EXD3: variants seen among roughly 807,000 people sequenced by gnomAD.
EXD3 encodes exonuclease mut-7 homolog.
A neutral mutation model predicts 98.0 loss-of-function variants in EXD3; 92 were observed. The observed-to-expected ratio is 0.94, with a 90% CI of 0.79 to 1.12. The LOEUF is 1.12. Among genes scored for constraint, EXD3 ranks in the 50% most tolerant of loss-of-function variants. The pLI, the probability that EXD3 is intolerant of heterozygous loss-of-function variation, is 0.00. For synonymous variants in EXD3, 569 were observed against 526.0 expected (o/e 1.08, Z -1.12); for missense variants, 1,222 against 1,191.6 (o/e 1.03, Z -0.38).
chr9:137,344,385 G>A (rs1333447014), intron 17 of EXD3, among the ~76,000 whole-genome samples: 72 of 152,152 alleles, frequency 4.7e-4, no homozygotes, highest in Non-Finnish European at 1.5e-5. Context: ...AATATTAAGA[G>A]ATTTACTATC....
intron 1 of EXD3, among the ~76,000 whole-genome samples, chr9:137,404,957 AT>A (rs1837645825): frequency 6.6e-6 from 1 of 151,592 alleles, no homozygotes; most frequent in Non-Finnish European, 1.5e-5. Flanking sequence ...GCCCCTACCT[AT>A]CCCCTCAGAG....
Position 137,330,697 on chromosome 9 carries a change from T to C in EXD3, c.1999-6554A>G, listed in dbSNP as rs73581504. Reference sequence around the variant, plus strand: ...GGGCAACAATGGAGCCAAAAGGTAGTGGAGGGTTTTCAAAGTTCTGTAGAG... The same window carrying C: ...GGGCAACAATGGAGCCAAAAGGTAGCGGAGGGTTTTCAAAGTTCTGTAGAG... On this transcript the variant is annotated intron_variant, in intron 17 of 21. Transcript: ENST00000340951. Among the ~76,000 whole-genome samples the C allele has an allele frequency of 1.6e-3, 250 of 152,124 alleles. 2 individuals are homozygous for C. The highest frequency in any genetic ancestry group is 6.8e-3 in the Middle Eastern group (2 of 294).
intron 20 of EXD3, 107 bp downstream of exon 20, chr9:137,309,500 C>T (rs557492524): frequency 2.2e-6 from 2 of 900,994 alleles, no homozygotes; most frequent in East Asian, 2.7e-5. Flanking sequence ...CCACCCTTAT[C>T]TGAGGAAGCT....
At chr9:137,382,534 G>C (rs565509738) in intron 3 of EXD3, among the ~76,000 whole-genome samples, 1 of 152,318 alleles carries the variant, frequency 6.6e-6, no homozygotes, top group South Asian at 2.1e-4. Flanking sequence ...CAAGGACAGA[G>C]ATTCACAAGC....
At chr9:137,413,078 A>T (rs1236818521) in intron 1 of EXD3, among the ~76,000 whole-genome samples, 1 of 152,100 alleles carries the variant, frequency 6.6e-6, no homozygotes, top group Non-Finnish European at 1.5e-5. Flanking sequence ...CACCACACCC[A>T]GCCTCAGTAA....
chr9:137,412,725 C>T (rs1383428113), intron 1 of EXD3, among the ~76,000 whole-genome samples: 1 of 152,236 alleles, frequency 6.6e-6, no homozygotes, highest in Non-Finnish European at 1.5e-5. Flanking sequence ...TTGACTCACA[C>T]ACTGTGTCCA....
At position 137,347,193 on chromosome 9, in the gene EXD3, G is replaced by A. The variant is rs1308989406; in HGVS notation, c.1998+878C>T. 2.0e-5 allele frequency among the ~76,000 whole-genome samples: 3 copies of A among 152,156 alleles called. No individual in the cohort carries two copies. Among genetic ancestry groups the A allele is most frequent in the Non-Finnish European group, 4.4e-5 (3 of 68,042 alleles). ...TAGTTCTGTGGAAGTCCAGAAGTCC[G>A]GTGGACTCAACCAGGTTCTCTGCTC... On this transcript the variant is annotated intron_variant, in intron 17 of 21. Coordinates refer to ENST00000340951, the MANE Select transcript of EXD3 (RefSeq NM_017820.5). This position sits in a 1 kb window ranked among gnomAD's most constrained non-coding sequence, Gnocchi z 4.2.
At chr9:137,353,887 TC>T in intron 10 of EXD3, 11 of 991,180 alleles carry the variant, frequency 1.1e-5, no homozygotes, top group Non-Finnish European at 1.2e-5. Context: ...CGGCGTGGGT[TC>T]CCACGTGGAC....
chr9:137,391,038 C>T (rs1443022247), intron 2 of EXD3, among the ~76,000 whole-genome samples: 3 of 152,164 alleles, frequency 2.0e-5, no homozygotes, highest in African/African-American at 2.4e-5. Flanking sequence ...CATGGTGGGG[C>T]GGGGGTGGCC....
intron 3 of EXD3, among the ~76,000 whole-genome samples, chr9:137,377,461 A>G (rs1835968935): frequency 6.9e-6 from 1 of 145,344 alleles, no homozygotes. Context: ...AAAAAAAAAA[A>G]AGGGAAAGGC....
intron 17 of EXD3, among the ~76,000 whole-genome samples, chr9:137,333,685 A>G (rs753681794): frequency 6.6e-6 from 1 of 152,110 alleles, no homozygotes; most frequent in Non-Finnish European, 1.5e-5. Flanking sequence ...GTGACATGCA[A>G]ACTCTTGCTT....
At chr9:137,365,902 CAT>C in intron 7 of EXD3, 2 of 398,932 alleles carry the variant, frequency 5.0e-6, no homozygotes, top group South Asian at 3.8e-5. Flanking sequence ...CAGGCACACA[CAT>C]ACATGCACAC....
In EXD3 at chr9:137,309,667, T is replaced by G; in HGVS notation, c.2218A>C (p.Arg740=). The G allele has an allele frequency of 1.3e-6, 2 of 1,559,416 alleles. No homozygotes were observed. The highest frequency in any genetic ancestry group is 1.7e-6 in the Non-Finnish European group (2 of 1,151,760). Residue 740 remains arginine (R), a synonymous_variant, in exon 20 of 22, where the codon AGG becomes CGG. Coordinates refer to ENST00000340951, the MANE Select transcript of EXD3 (RefSeq NM_017820.5). ...CNCDQYLKVS[R]DMMKQLMWLS... is the part of the protein sequence containing the mutation. The stretch of plus-strand genomic sequence containing the variant: ...CACATGAGCTGCTTCATCATGTCCC[T>G]GGAGACCTTTAGGTACTGGTCACAG...
chr9:137,326,410 C>T (rs972950808), intron 17 of EXD3, among the ~76,000 whole-genome samples: 4 of 152,138 alleles, frequency 2.6e-5, no homozygotes, highest in African/African-American at 9.7e-5. Flanking sequence ...CCTGTAATCC[C>T]AATACTTTGG....
intron 3 of EXD3, among the ~76,000 whole-genome samples, chr9:137,374,007 A>G (rs965128093): frequency 1.3e-5 from 2 of 152,264 alleles, no homozygotes; most frequent in Non-Finnish European, 2.9e-5. Context: ...AATGCCTTTT[A>G]TGTACTTTTC....
At chr9:137,369,259 G>A (rs530466611) in intron 5 of EXD3, among the ~76,000 whole-genome samples, 1 of 151,932 alleles carries the variant, frequency 6.6e-6, no homozygotes, top group Non-Finnish European at 1.5e-5. Context: ...GAGCATGGGC[G>A]CAGGGGCCAC....
In EXD3 at chr9:137,323,796, G is replaced by T. The variant is rs200726617; in HGVS notation, c.2113C>A (p.Gln705Lys). The change falls in exon 19 of 22, where the codon CAG becomes AAG. Residue 705 changes from glutamine (Q) to lysine (K), a missense_variant. Physicochemically the swap from Gln to Lys is moderately conservative, Grantham distance 53. Coordinates refer to ENST00000340951, the MANE Select transcript of EXD3 (RefSeq NM_017820.5). ...LSVDCSLKAQ[Q>K]QAKAVLKHFN... ...TGCTTGAGCACAGCCTTGGCCTGCT[G>T]CTGGGCCTTCAGGGAGCAGTCGACC... 41 of 1,612,336 alleles carry T rather than the reference G, an allele frequency of 2.5e-5. No homozygotes were observed. Among genetic ancestry groups the T allele is most frequent in the Non-Finnish European group, 3.4e-5 (40 of 1,179,758 alleles).
At chr9:137,348,539 A>G (rs1470402535) in intron 16 of EXD3, among the ~76,000 whole-genome samples, 23 of 9,672 alleles carry the variant, frequency 2.4e-3, no homozygotes, top group South Asian at 7.0e-3. Context: ...GGGGATCACA[A>G]GGAGGGGGTT....
intron 19 of EXD3, among the ~76,000 whole-genome samples, chr9:137,314,681 C>T (rs1018820552): frequency 3.9e-5 from 6 of 152,124 alleles, no homozygotes; most frequent in Admixed American, 1.3e-4. Flanking sequence ...GCCGCTGCCC[C>T]GTCCCCTTTG....
Sources: allele counts gnomAD v4.1 joint callset (sites outside exome capture counted in the v4.1 genomes callset), GRCh38; gene constraint gnomAD v4.1.1; non-coding constraint Gnocchi (gnomAD v3.1); transcripts MANE v1.5; gene names NCBI Gene and HGNC (gene_info 2026-07-23, HGNC 2026-07-21).